Variants in SH3D19 observed in about 807,000 individuals in gnomAD.
The protein encoded by SH3D19 is SH3 domain-containing protein 19.
Under a neutral mutation model 112.1 loss-of-function variants are expected in SH3D19, and 58 were observed. The observed-to-expected ratio is 0.52, with a 90% CI of 0.42 to 0.64. SH3D19 has a LOEUF of 0.64. Ranked by LOEUF, SH3D19 falls within the 30% of genes least tolerant of loss-of-function variation. The pLI, the probability that SH3D19 is intolerant of heterozygous loss-of-function variation, is 0.00. For missense variants in SH3D19, 1,090 were observed against 1,263.4 expected (o/e 0.86, Z 2.08); for synonymous variants, 391 against 448.5 (o/e 0.87, Z 1.62).
chr4:151,220,616 C>G (rs1164530681), intron 2 of SH3D19, among the ~76,000 whole-genome samples: 2 of 152,150 alleles, frequency 1.3e-5, no homozygotes, highest in Non-Finnish European at 2.9e-5. Context: ...GCTCCTACTT[C>G]CCTCTAATTC....
At chr4:151,282,003 T>C in intron 1 of SH3D19, 1 of 785,832 alleles carries the variant, frequency 1.3e-6, no homozygotes, top group Non-Finnish European at 2.1e-6. Flanking sequence ...AGGAGACAAA[T>C]CAACCCTAGT....
intron 13 of SH3D19, 116 bp downstream of exon 13, chr4:151,139,659 G>C: frequency 1.2e-6 from 1 of 835,312 alleles, no homozygotes; most frequent in East Asian, 2.6e-5. Flanking sequence ...TCCAGTCTCG[G>C]ACTCTATAGG....
At chr4:151,291,511 T>C (rs1775336288) in intron 1 of SH3D19, 1 of 1,282,794 alleles carries the variant, frequency 7.8e-7, no homozygotes, top group Non-Finnish European at 1.1e-6. Flanking sequence ...GAAATGATTT[T>C]GTTTTTAAGG....
chr4:151,230,025 G>A (rs1376146884), intron 1 of SH3D19, among the ~76,000 whole-genome samples: 1 of 152,218 alleles, frequency 6.6e-6, no homozygotes, highest in African/African-American at 2.4e-5. Flanking sequence ...GGAACCCATG[G>A]TATGTCAAGG....
intron 2 of SH3D19, among the ~76,000 whole-genome samples, chr4:151,209,006 T>A (rs781413443): frequency 6.6e-6 from 1 of 152,162 alleles, no homozygotes; most frequent in Non-Finnish European, 1.5e-5. Flanking sequence ...CATCTCCTAC[T>A]GGTCCTGTTT....
intron 11 of SH3D19, among the ~76,000 whole-genome samples, chr4:151,146,969 T>C (rs1205711034): frequency 6.6e-6 from 1 of 152,204 alleles, no homozygotes; most frequent in Admixed American, 6.6e-5. Flanking sequence ...ACCACGATAA[T>C]TATTGGGCTT....
chr4:151,215,183 A>T (rs2149919661), intron 2 of SH3D19, among the ~76,000 whole-genome samples: 1 of 152,300 alleles, frequency 6.6e-6, no homozygotes, highest in South Asian at 2.1e-4. Flanking sequence ...TGGCCTCCCA[A>T]AGTGTTGCGA....
intron 1 of SH3D19, among the ~76,000 whole-genome samples, chr4:151,255,909 G>C (rs774846279): frequency 1.3e-5 from 2 of 152,108 alleles, no homozygotes; most frequent in Non-Finnish European, 1.5e-5. Flanking sequence ...GCAGGCATTC[G>C]GCAGGCTGTC....
chr4:151,231,606 T>A (rs1411890563), intron 1 of SH3D19, among the ~76,000 whole-genome samples: 3 of 152,088 alleles, frequency 2.0e-5, no homozygotes, highest in African/African-American at 7.2e-5. Context: ...ACACATTAAG[T>A]CAGAAAATTC....
At chr4:151,246,001 T>C (rs1422436367) in intron 1 of SH3D19, among the ~76,000 whole-genome samples, 2 of 150,752 alleles carry the variant, frequency 1.3e-5, no homozygotes, top group African/African-American at 4.9e-5. Context: ...ATAAGTAAGA[T>C]TGGAAAGATA....
At chr4:151,322,789 C>A (rs1730681457) in intron 1 of SH3D19, among the ~76,000 whole-genome samples, 2 of 152,108 alleles carry the variant, frequency 1.3e-5, no homozygotes, top group Non-Finnish European at 1.5e-5. Context: ...AGAACTCATT[C>A]CAGACATTTC....
intron 1 of SH3D19, among the ~76,000 whole-genome samples, chr4:151,268,544 A>C (rs1428810716): frequency 6.9e-6 from 1 of 144,568 alleles, no homozygotes; most frequent in Non-Finnish European, 1.5e-5. Flanking sequence ...GCACCCATTA[A>C]CTCGTCATTT....
At chr4:151,218,146 T>G (rs1767434953) in intron 2 of SH3D19, among the ~76,000 whole-genome samples, 1 of 152,182 alleles carries the variant, frequency 6.6e-6, no homozygotes, top group African/African-American at 2.4e-5. Context: ...GTAGAACTCT[T>G]AAGTGCCAAA....
In SH3D19 at chr4:151,147,934, G is replaced by A. The variant is rs574858437; in HGVS notation, c.2070C>T (p.Tyr690=). 5 of 1,611,042 alleles carry A rather than the reference G, an allele frequency of 3.1e-6. No individual in the cohort carries two copies. Among genetic ancestry groups the A allele is most frequent in the Non-Finnish European group, 4.2e-6 (5 of 1,178,950 alleles). The change falls in exon 11 of 20, where the codon TAC becomes TAT. Residue 690 remains tyrosine, a synonymous_variant. Coordinates refer to ENST00000604030, the MANE Select transcript of SH3D19 (RefSeq NM_001378122.1). ...AAGCTAAATTTACCATGTATTTACT[G>A]TAGAGAGGGTGTCCTGGTTTGGGAC... is the stretch of plus-strand genomic sequence containing the variant. ...PPRPKPGHPL[Y]SKYMRGDVLV...
intron 2 of SH3D19, among the ~76,000 whole-genome samples, chr4:151,198,576 T>G (rs1763922605): frequency 2.0e-5 from 3 of 151,296 alleles, no homozygotes; most frequent in Non-Finnish European, 4.4e-5. Context: ...CCTTTGACCC[T>G]TTAGAGGCTC....
chr4:151,289,524 TAAA>T (rs1045386638), intron 1 of SH3D19, among the ~76,000 whole-genome samples: 1 of 152,184 alleles, frequency 6.6e-6, no homozygotes, highest in Non-Finnish European at 1.5e-5. Flanking sequence ...AACTCGATCA[TAAA>T]AAGAGCACAG....
rs1759632749 is a variant in SH3D19 at position 151,174,661 on chromosome 4, TTCAC to T, written c.1534+5_1534+8del. The stretch of plus-strand genomic sequence containing the variant: ...TTAGATTCCCCTCCACTGCTGATTT[TTCAC>T]TCACCTAGAACCATCTCTGAACCAA... On this transcript the variant is annotated splice_donor_5th_base_variant and intron_variant, in intron 7 of 19. Coordinates refer to ENST00000604030, the MANE Select transcript of SH3D19 (RefSeq NM_001378122.1). 1 of 1,496,104 alleles carries T rather than the reference TTCAC, an allele frequency of 6.7e-7. No individual in the cohort carries two copies. Among genetic ancestry groups the T allele is most frequent in the Non-Finnish European group, 8.9e-7 (1 of 1,124,098 alleles). The allele number at this position is 1,496,104 out of a possible 1,614,324, so 92.7% of individuals were successfully genotyped here. A position where few individuals can be genotyped will look rare whatever the true frequency, so the allele number is the denominator to read the frequency against.
chr4:151,182,233 C>T (rs563143349), intron 3 of SH3D19, among the ~76,000 whole-genome samples: 9 of 152,250 alleles, frequency 5.9e-5, no homozygotes, highest in African/African-American at 1.9e-4. Context: ...AAGTGATCCG[C>T]CCACCTTGGC....
chr4:151,131,530 AG>A (rs1313866797), intron 17 of SH3D19, among the ~76,000 whole-genome samples: 5 of 143,356 alleles, frequency 3.5e-5, no homozygotes, highest in Non-Finnish European at 7.5e-5. Context: ...TCTGTCTCCC[AG>A]GCGGGAGTGC....
Sources: allele counts gnomAD v4.1 joint callset (sites outside exome capture counted in the v4.1 genomes callset), GRCh38; gene constraint gnomAD v4.1.1; transcripts MANE v1.5; gene names NCBI Gene and HGNC (gene_info 2026-07-23, HGNC 2026-07-21).